GABRB1: variants seen among roughly 807,000 people sequenced by gnomAD.
GABRB1 encodes the protein gamma-aminobutyric acid receptor subunit beta-1.
GABRB1 carries 17 observed loss-of-function variants against 51.6 expected under a neutral mutation model. That is an observed-to-expected ratio of 0.33 (90% confidence interval 0.23 to 0.49). GABRB1 has a LOEUF of 0.49. Ranked by LOEUF, GABRB1 falls within the 20% of genes least tolerant of loss-of-function variation. The pLI, the probability that GABRB1 is intolerant of heterozygous loss-of-function variation, is 0.99. For missense variants in GABRB1, 410 were observed against 600.6 expected (o/e 0.68, Z 3.32); for synonymous variants, 247 against 218.9 (o/e 1.13, Z -1.14).
At chr4:47,219,003 C>A (rs916757718) in intron 4 of GABRB1, among the ~76,000 whole-genome samples, 7 of 151,800 alleles carry the variant, frequency 4.6e-5, no homozygotes, top group African/African-American at 1.7e-4. Flanking sequence ...CTATGGTCAA[C>A]TGACCTTGTT....
intron 4 of GABRB1, among the ~76,000 whole-genome samples, chr4:47,186,698 G>T (rs2109777420): frequency 6.6e-6 from 1 of 151,858 alleles, no homozygotes; most frequent in South Asian, 2.1e-4. Context: ...TAACTCAAAA[G>T]GAATATTCTA....
chr4:47,038,150 G>A (rs969581185), intron 3 of GABRB1, among the ~76,000 whole-genome samples: 3 of 152,156 alleles, frequency 2.0e-5, no homozygotes, highest in African/African-American at 7.2e-5. Context: ...TTGCTAGATT[G>A]TCTTAAATAC....
At chr4:47,281,211 A>G (rs891430833) in intron 4 of GABRB1, among the ~76,000 whole-genome samples, 3 of 152,188 alleles carry the variant, frequency 2.0e-5, no homozygotes, top group South Asian at 4.1e-4. Flanking sequence ...GGAAACAAAT[A>G]ATCTGATTAA....
At chr4:47,186,857 G>T in intron 4 of GABRB1, among the ~76,000 whole-genome samples, 1 of 151,790 alleles carries the variant, frequency 6.6e-6, no homozygotes, top group East Asian at 1.9e-4. Flanking sequence ...GGTAACAATT[G>T]AATAAAGTGC....
Position 47,031,679 on chromosome 4 carries a change from C to T in GABRB1, c.28C>T (p.Leu10=), listed in dbSNP as rs1176888689. 6.2e-7 allele frequency: 1 copy of T among 1,613,900 alleles called. No individual in the cohort carries two copies. Among genetic ancestry groups the T allele is most frequent in the South Asian group, 1.1e-5 (1 of 91,072 alleles). Residue 10 remains leucine (L), a synonymous_variant, in exon 1 of 9, where the codon CTG becomes TTG. Coordinates refer to ENST00000295454, the MANE Select transcript of GABRB1 (RefSeq NM_000812.4). Reference sequence around the variant, plus strand: ...GTGGACAGTACAAAATCGAGAGAGTCTGGGGCTTCTCTCTTTCCCTGTGAT... The same window carrying T: ...GTGGACAGTACAAAATCGAGAGAGTTTGGGGCTTCTCTCTTTCCCTGTGAT... MWTVQNRES[L]GLLSFPVMIT... is the part of the protein sequence containing the mutation.
At chr4:47,356,399 T>C (rs1026215478) in intron 5 of GABRB1, among the ~76,000 whole-genome samples, 1 of 152,218 alleles carries the variant, frequency 6.6e-6, no homozygotes, top group African/African-American at 2.4e-5. Flanking sequence ...AAGCATTCTC[T>C]GTTCCTCAAA....
chr4:47,117,502 T>A (rs1300504936), intron 3 of GABRB1, among the ~76,000 whole-genome samples: 2 of 152,078 alleles, frequency 1.3e-5, no homozygotes, highest in Non-Finnish European at 2.9e-5. Context: ...CTCTTCATGA[T>A]CCTCCCATTT....
chr4:47,113,040 G>C (rs1715298981), intron 3 of GABRB1, among the ~76,000 whole-genome samples: 1 of 151,968 alleles, frequency 6.6e-6, no homozygotes. Flanking sequence ...GGATGGGAAA[G>C]GTATACAGGA....
chr4:47,155,483 G>A (rs1254260862), intron 3 of GABRB1, among the ~76,000 whole-genome samples: 1 of 151,976 alleles, frequency 6.6e-6, no homozygotes, highest in East Asian at 1.9e-4. Flanking sequence ...AGGAGGAATT[G>A]CTTGAATGAT....
At chr4:47,306,258 GA>G (rs34414124) in intron 4 of GABRB1, among the ~76,000 whole-genome samples, 124,993 of 129,560 alleles carry the variant, frequency 0.96, 60,289 homozygotes, top group South Asian at 0.99. Context: ...CAATTGACAA[GA>G]AAAAAAAAAA....
At chr4:47,067,378 A>G (rs899084100) in intron 3 of GABRB1, among the ~76,000 whole-genome samples, 2 of 152,206 alleles carry the variant, frequency 1.3e-5, no homozygotes, top group African/African-American at 4.8e-5. Context: ...TGTGAAGGGA[A>G]GGCAGATATT....
upstream of GABRB1, among the ~76,000 whole-genome samples, chr4:47,027,994 A>T (rs753373177): frequency 2.1e-4 from 32 of 151,740 alleles, no homozygotes; most frequent in Non-Finnish European, 4.4e-4. Context: ...CCCAAAGTAT[A>T]TGAAATTGTA....
intron 5 of GABRB1, among the ~76,000 whole-genome samples, chr4:47,381,404 C>G (rs1727594079): frequency 6.6e-6 from 1 of 152,208 alleles, no homozygotes; most frequent in Non-Finnish European, 1.5e-5. Context: ...TGGCAGGAAC[C>G]ATCCATGCTG....
At chr4:47,223,521 T>C (rs916685003) in intron 4 of GABRB1, among the ~76,000 whole-genome samples, 6 of 152,160 alleles carry the variant, frequency 3.9e-5, no homozygotes, top group Non-Finnish European at 8.8e-5. Context: ...TCTTTTATAG[T>C]AAGCCTGACA....
chr4:47,289,161 A>G (rs773070552), intron 4 of GABRB1, among the ~76,000 whole-genome samples: 72 of 152,284 alleles, frequency 4.7e-4, no homozygotes, highest in Admixed American at 7.2e-4. Flanking sequence ...TGTGAAACAG[A>G]GACCATCAGT....
At chr4:47,322,165 T>A (rs1002311838) in intron 5 of GABRB1, among the ~76,000 whole-genome samples, 2 of 152,120 alleles carry the variant, frequency 1.3e-5, no homozygotes, top group African/African-American at 4.8e-5. Flanking sequence ...TAGCCCAAAG[T>A]AATCATCAAA....
chr4:47,366,051 T>C (rs1463690236), intron 5 of GABRB1, among the ~76,000 whole-genome samples: 1 of 152,198 alleles, frequency 6.6e-6, no homozygotes, highest in Non-Finnish European at 1.5e-5. Flanking sequence ...TAAAAGTATG[T>C]CATAGGCAAA....
intron 4 of GABRB1, among the ~76,000 whole-genome samples, chr4:47,209,645 C>G (rs550127090): frequency 1.8e-4 from 27 of 152,238 alleles, no homozygotes; most frequent in African/African-American, 6.5e-4. Flanking sequence ...CATTTACCTT[C>G]TCACTTCGAC....
At chr4:47,186,176 AAATAT>A (rs140571941) in intron 4 of GABRB1, among the ~76,000 whole-genome samples, 62 of 150,860 alleles carry the variant, frequency 4.1e-4, no homozygotes, top group African/African-American at 1.5e-3. Context: ...AACATTTCCT[AAATAT>A]ACCTTCAGTT....
Sources: allele counts gnomAD v4.1 joint callset (sites outside exome capture counted in the v4.1 genomes callset), GRCh38; gene constraint gnomAD v4.1.1; transcripts MANE v1.5; gene names NCBI Gene and HGNC (gene_info 2026-07-23, HGNC 2026-07-21).